EXOC6B: variants seen among roughly 807,000 people sequenced by gnomAD.
EXOC6B encodes SEC15 homolog B.
In EXOC6B, 54 loss-of-function variants were observed where a neutral mutation model predicts 113.5. The observed-to-expected ratio is 0.48, with a 90% confidence interval of 0.38 to 0.60. EXOC6B has a LOEUF of 0.60. Ranked by LOEUF, EXOC6B falls within the 20% of genes least tolerant of loss-of-function variation. The probability of loss-of-function intolerance (pLI) is 0.00; values close to 1 mark genes in which losing one functional copy is unlikely to be tolerated. For synonymous variants in EXOC6B, 357 were observed against 339.0 expected, an observed-to-expected ratio of 1.05 and a Z score of -0.58; for missense variants, 797 against 977.5, an observed-to-expected ratio of 0.82 and a Z score of 2.46.
rs556012410 is a variant in EXOC6B, at chr2:72,267,670, A to G, written c.2196+67277T>C. ...GGATTCGGTCTGCCAGTATTTTATT[A>G]AGGATTTTTGCATCAATGTTCATCA... On this transcript the variant is annotated intron_variant, in intron 20 of 21. Transcript: ENST00000272427. Among the ~76,000 whole-genome samples the G allele has an allele frequency of 1.7e-4, 26 of 152,282 alleles. No homozygotes were observed. The East Asian group carries it at 4.0e-3, about 24-fold the overall frequency.
chr2:72,445,572 A>G (rs1419131631), intron 18 of EXOC6B, among the ~76,000 whole-genome samples: 2 of 152,212 alleles, frequency 1.3e-5, no homozygotes, highest in African/African-American at 2.4e-5. Context: ...AGGCCTCACA[A>G]TCATGGTGAA....
chr2:72,395,948 A>C (rs1306956081), intron 18 of EXOC6B, among the ~76,000 whole-genome samples: 2 of 152,144 alleles, frequency 1.3e-5, no homozygotes, highest in African/African-American at 4.8e-5. Context: ...TCCATAGGTT[A>C]AGGGAAATTT....
At chr2:72,505,397 G>A (rs1700544374) in intron 11 of EXOC6B, among the ~76,000 whole-genome samples, 1 of 152,086 alleles carries the variant, frequency 6.6e-6, no homozygotes, top group East Asian at 1.9e-4. Flanking sequence ...ATATATGTGT[G>A]AGACTGTTTG....
chr2:72,718,689 C>A (rs1185657282), intron 5 of EXOC6B, among the ~76,000 whole-genome samples: 1 of 152,144 alleles, frequency 6.6e-6, no homozygotes, highest in Non-Finnish European at 1.5e-5. Flanking sequence ...AAAACCCCAT[C>A]TCTACTAAAA....
intron 19 of EXOC6B, among the ~76,000 whole-genome samples, chr2:72,358,612 C>T (rs528136402): frequency 6.6e-6 from 1 of 152,218 alleles, no homozygotes; most frequent in Non-Finnish European, 1.5e-5. Context: ...GCCCAAACTA[C>T]TAAATTGAAG....
chr2:72,342,926 G>A (rs1016784756), intron 19 of EXOC6B, among the ~76,000 whole-genome samples: 1 of 152,080 alleles, frequency 6.6e-6, no homozygotes, highest in African/African-American at 2.4e-5. Context: ...GCACTCCCGT[G>A]TTCACTAGAG....
At position 72,307,161 on chromosome 2, in the gene EXOC6B, G is replaced by GTTTTTTTTTTTTTTTTTTTTTTTT. The variant is rs1553371308; in HGVS notation, c.2196+27785_2196+27786insAAAAAAAAAAAAAAAAAAAAAAAA. Among the ~76,000 whole-genome samples the GTTTTTTTTTTTTTTTTTTTTTTTT allele has an allele frequency of 1.2e-3, 157 of 128,440 alleles. 13 individuals carry two copies. Among genetic ancestry groups the GTTTTTTTTTTTTTTTTTTTTTTTT allele is most frequent in the African/African-American group, 5.7e-3 (149 of 26,148 alleles). The allele number at this position is 128,440 out of a possible 152,430, so 84.3% of individuals were successfully genotyped here. On this transcript the variant is annotated intron_variant, in intron 20 of 21. Transcript: ENST00000272427. Reference sequence around the variant, plus strand: ...TCCATGACTGCAATGGTATAGTCCAGTTTTTTTTTTTTTGAGACGGAGTCT... The same window carrying GTTTTTTTTTTTTTTTTTTTTTTTT: ...TCCATGACTGCAATGGTATAGTCCAGTTTTTTTTTTTTTTTTTTTTTTTTTTTTTTTTTTTTTGAGACGGAGTCT...
At chr2:72,444,571 A>G (rs1696446049) in intron 18 of EXOC6B, among the ~76,000 whole-genome samples, 1 of 152,222 alleles carries the variant, frequency 6.6e-6, no homozygotes, top group East Asian at 1.9e-4. Context: ...CTGGATATCC[A>G]GGCATTTCTA....
intron 1 of EXOC6B, among the ~76,000 whole-genome samples, chr2:72,753,536 T>C (rs1682196415): frequency 6.6e-6 from 1 of 152,140 alleles, no homozygotes; most frequent in African/African-American, 2.4e-5. Flanking sequence ...TTTATCACTT[T>C]CCCCTTATAT....
chr2:72,455,994 G>A (rs1697210297), intron 18 of EXOC6B, among the ~76,000 whole-genome samples: 1 of 152,174 alleles, frequency 6.6e-6, no homozygotes, highest in Non-Finnish European at 1.5e-5. Context: ...CCCCACTATT[G>A]ATTAATTTTC....
chr2:72,250,015 T>C (rs968594426), intron 20 of EXOC6B, among the ~76,000 whole-genome samples: 1 of 152,228 alleles, frequency 6.6e-6, no homozygotes, highest in Non-Finnish European at 1.5e-5. Flanking sequence ...TCTCATTTAC[T>C]GTAGAAACCT....
chr2:72,634,197 T>A (rs1018155854), intron 6 of EXOC6B, among the ~76,000 whole-genome samples: 2 of 152,206 alleles, frequency 1.3e-5, no homozygotes, highest in African/African-American at 4.8e-5. Flanking sequence ...GTTGAGAAAC[T>A]ACAGCCCATG....
chr2:72,436,190 G>A (rs1695859470), intron 18 of EXOC6B, among the ~76,000 whole-genome samples: 1 of 152,262 alleles, frequency 6.6e-6, no homozygotes, highest in Non-Finnish European at 1.5e-5. Flanking sequence ...ATTCTGGATT[G>A]AAAATTCTTT....
intron 20 of EXOC6B, among the ~76,000 whole-genome samples, chr2:72,323,368 T>A (rs989725767): frequency 2.0e-5 from 3 of 152,108 alleles, no homozygotes; most frequent in Admixed American, 6.6e-5. Flanking sequence ...GAAATCGGAA[T>A]GCTTTTACAC....
At chr2:72,578,560 C>G (rs775034372) in intron 6 of EXOC6B, among the ~76,000 whole-genome samples, 2 of 152,026 alleles carry the variant, frequency 1.3e-5, no homozygotes, top group African/African-American at 4.8e-5. Flanking sequence ...TCTCACTGCT[C>G]TAACTCATGA....
At chr2:72,757,925 C>T (rs1682525452) in intron 1 of EXOC6B, among the ~76,000 whole-genome samples, 1 of 151,988 alleles carries the variant, frequency 6.6e-6, no homozygotes, top group Non-Finnish European at 1.5e-5. Context: ...CTTTGGGAGG[C>T]CGAGGCAGGA....
intron 8 of EXOC6B, among the ~76,000 whole-genome samples, chr2:72,549,024 T>TA (rs1412954024): frequency 6.6e-6 from 1 of 150,904 alleles, no homozygotes; most frequent in Non-Finnish European, 1.5e-5. Flanking sequence ...AAAATAAAAA[T>TA]AAAAAAATTT....
At chr2:72,751,508 A>G (rs1434976568) in intron 1 of EXOC6B, among the ~76,000 whole-genome samples, 2 of 152,074 alleles carry the variant, frequency 1.3e-5, no homozygotes, top group African/African-American at 2.4e-5. Flanking sequence ...TTAGATTTTC[A>G]GGTTAACTCT....
intron 18 of EXOC6B, among the ~76,000 whole-genome samples, chr2:72,449,462 C>T (rs1337872266): frequency 2.0e-5 from 3 of 150,126 alleles, no homozygotes; most frequent in Non-Finnish European, 2.9e-5. Flanking sequence ...TGAGCCACCG[C>T]GCCTGGCCAG....
Sources: gnomAD v4.1 joint callset for allele counts (sites outside exome capture counted in the v4.1 genomes callset) on GRCh38, gnomAD v4.1.1 for gene constraint, MANE v1.5 for transcripts, NCBI Gene and HGNC (gene_info 2026-07-23, HGNC 2026-07-21) for gene names.